DLC1: variants seen among roughly 807,000 people sequenced by gnomAD.
The protein encoded by DLC1 is rho GTPase-activating protein 7.
Under a neutral mutation model 140.3 loss-of-function variants are expected in DLC1, and 54 were observed. The observed-to-expected ratio is 0.38, with a 90% CI of 0.31 to 0.48. The LOEUF (loss-of-function observed/expected upper bound fraction) is 0.48, where lower values mean the gene tolerates loss of function less well. DLC1 is among the 20% of genes least tolerant of loss of function. The pLI, the probability that DLC1 is intolerant of heterozygous loss-of-function variation, is 0.96. For synonymous variants in DLC1, 986 were observed against 728.1 expected (o/e 1.35, Z -5.70); for missense variants, 2,536 against 1,907.0 (o/e 1.33, Z -6.14).
intron 4 of DLC1, among the ~76,000 whole-genome samples, chr8:13,391,560 G>T (rs960811927): frequency 2.0e-5 from 3 of 152,198 alleles, no homozygotes; most frequent in Admixed American, 6.5e-5. Context: ...TTAAAACACT[G>T]TGAAAACTGA....
intron 2 of DLC1, among the ~76,000 whole-genome samples, chr8:13,466,533 A>G (rs1335418865): frequency 1.3e-5 from 2 of 152,126 alleles, no homozygotes; most frequent in Non-Finnish European, 2.9e-5. Context: ...CCTGTGGGAG[A>G]GATACCTGGT....
intron 5 of DLC1, among the ~76,000 whole-genome samples, chr8:13,139,695 C>A (rs1161268025): frequency 6.6e-6 from 1 of 152,210 alleles, no homozygotes; most frequent in African/African-American, 2.4e-5. Flanking sequence ...GCCTCCCTGC[C>A]AGAAAATGAA....
intron 5 of DLC1, among the ~76,000 whole-genome samples, chr8:13,181,832 AAT>A (rs1290834638): frequency 6.6e-6 from 1 of 152,174 alleles, no homozygotes; most frequent in Non-Finnish European, 1.5e-5. Flanking sequence ...CATGATTTAT[AAT>A]CCTTTGGGTA....
chr8:13,188,839 ATATATTTTTTTTTTT>A (rs1563149840), intron 5 of DLC1, among the ~76,000 whole-genome samples: 3 of 27,288 alleles, frequency 1.1e-4, no homozygotes, highest in Admixed American at 5.6e-4. Flanking sequence ...ATATATATAT[ATATATTTTTTTTTTT>A]TTTTTTTTTT....
At chr8:13,468,055 G>C (rs957704391) in intron 2 of DLC1, among the ~76,000 whole-genome samples, 4 of 152,208 alleles carry the variant, frequency 2.6e-5, no homozygotes, top group African/African-American at 4.8e-5. Flanking sequence ...GAAAGAATCT[G>C]TTTCTTCAAA....
chr8:13,177,859 G>A (rs560606606), intron 5 of DLC1, among the ~76,000 whole-genome samples: 1 of 152,218 alleles, frequency 6.6e-6, no homozygotes, highest in Admixed American at 6.5e-5. Flanking sequence ...TAGATTAATA[G>A]TAGTGAAATA....
chr8:13,333,504 C>T (rs1833690582), intron 4 of DLC1, among the ~76,000 whole-genome samples: 1 of 152,172 alleles, frequency 6.6e-6, no homozygotes, highest in African/African-American at 2.4e-5. Flanking sequence ...CTGTTTTAGA[C>T]TCCCAATATG....
rs1032757943 is a variant in DLC1 at position 13,099,502 on chromosome 8, G to A, written c.2835C>T (p.Ser945=). 6.2e-7 allele frequency: 1 copy of A among 1,614,146 alleles called. No individual in the cohort carries two copies. The change falls in exon 9 of 18, where the codon TCC becomes TCT. Residue 945 remains serine (S), a synonymous_variant. Coordinates refer to ENST00000276297, the MANE Select transcript of DLC1 (RefSeq NM_182643.3). ...CATCCAGGTGTATCTGTTTTGGAGA[G>A]GACGGGCAGGGAGAGACCGAGTCCA... is the stretch of plus-strand genomic sequence containing the variant. The part of the protein sequence containing the change: ...SALDSVSPCP[S]SPKQIHLDVD...
intron 5 of DLC1, among the ~76,000 whole-genome samples, chr8:13,185,985 T>G (rs13257738): frequency 0.46 from 69,356 of 152,020 alleles, 16,464 homozygotes; most frequent in East Asian, 0.84. Flanking sequence ...CCCCACTCTC[T>G]TCTGGCTTGT....
Position 13,193,465 on chromosome 8 carries a change from C to T in DLC1, c.1349-77808G>A, listed in dbSNP as rs998399446. On this transcript the variant is annotated intron_variant, in intron 5 of 17. Coordinates refer to ENST00000276297, the MANE Select transcript of DLC1 (RefSeq NM_182643.3). ...CCACACCTCTAATAGTTTAGTGCCA[C>T]ATCTGTACTAAGTACAGATATAAAG... Among the ~76,000 whole-genome samples the T allele has an allele frequency of 6.6e-5, 10 of 152,266 alleles. No individual in the cohort carries two copies. In the East Asian group the frequency reaches 1.9e-3, roughly 29 times the overall value.
intron 2 of DLC1, among the ~76,000 whole-genome samples, chr8:13,496,872 C>A (rs1327950584): frequency 7.2e-6 from 1 of 139,484 alleles, no homozygotes; most frequent in Non-Finnish European, 1.5e-5. Context: ...GCAATCTCGG[C>A]TCACTGCAAG....
chr8:13,392,673 C>A (rs1237268355), intron 4 of DLC1, among the ~76,000 whole-genome samples: 1 of 152,162 alleles, frequency 6.6e-6, no homozygotes, highest in African/African-American at 2.4e-5. Context: ...GTAGTAATTA[C>A]TTCCTTCATA....
At chr8:13,102,917 C>T (rs1246828173) in intron 7 of DLC1, 64 bp from the exon 8 acceptor site, 1 of 1,368,736 alleles carries the variant, frequency 7.3e-7, no homozygotes, top group Non-Finnish European at 1.0e-6. Flanking sequence ...TGGATAAACA[C>T]CTGTTTTTAA....
intron 5 of DLC1, among the ~76,000 whole-genome samples, chr8:13,124,487 A>C (rs1821390518): frequency 6.6e-6 from 1 of 152,188 alleles, no homozygotes; most frequent in Non-Finnish European, 1.5e-5. Context: ...AGATGGAAGC[A>C]CCTTCTGAGC....
intron 2 of DLC1, among the ~76,000 whole-genome samples, chr8:13,458,162 A>G (rs969320602): frequency 6.6e-6 from 1 of 152,242 alleles, no homozygotes; most frequent in Admixed American, 6.5e-5. Flanking sequence ...TAAGTCATAC[A>G]TGAACTTTAA....
chr8:13,282,126 C>G (rs906212083), intron 5 of DLC1, among the ~76,000 whole-genome samples: 1 of 152,164 alleles, frequency 6.6e-6, no homozygotes. Flanking sequence ...GCTAGATGGT[C>G]TCATTCCACT....
intron 2 of DLC1, among the ~76,000 whole-genome samples, chr8:13,490,565 C>T (rs1445612791): frequency 6.6e-6 from 1 of 152,140 alleles, no homozygotes; most frequent in East Asian, 1.9e-4. Flanking sequence ...TTTATCCCAA[C>T]TTGTGTGGAT....
rs528676581 is a variant in DLC1 at position 13,489,052 on chromosome 8, A to G, written c.1023+9997T>C. ...AACCTCTGCCTCCTGGGTTGAAGTG[A>G]CTCTCCTGTCTCAGTCTCCCGAGCA... On this transcript the variant is annotated intron_variant, in intron 2 of 17. Coordinates refer to ENST00000276297, the MANE Select transcript of DLC1 (RefSeq NM_182643.3). Among the ~76,000 whole-genome samples, 4 of 151,796 alleles carry G rather than the reference A, an allele frequency of 2.6e-5. No individual in the cohort carries two copies. The East Asian group carries it at 7.7e-4, about 29-fold the overall frequency.
chr8:13,257,433 T>G (rs1830282897), intron 5 of DLC1, among the ~76,000 whole-genome samples: 1 of 105,022 alleles, frequency 9.5e-6, no homozygotes, highest in African/African-American at 3.7e-5. Flanking sequence ...CAATACCCTG[T>G]CTCAGGAAAA....
Sources: allele counts gnomAD v4.1 joint callset (sites outside exome capture counted in the v4.1 genomes callset), GRCh38; gene constraint gnomAD v4.1.1; transcripts MANE v1.5; gene names NCBI Gene and HGNC (gene_info 2026-07-23, HGNC 2026-07-21).